WRN: variants seen among roughly 807,000 people sequenced by gnomAD.
The protein encoded by WRN is bifunctional 3'-5' exonuclease/ATP-dependent helicase WRN.
Under a neutral mutation model 180.7 loss-of-function variants are expected in WRN, and 149 were observed. That is an observed-to-expected ratio of 0.82 (90% CI 0.72 to 0.94). The LOEUF is 0.94. Ranked by LOEUF, WRN falls within the 40% of genes least tolerant of loss-of-function variation. WRN has a pLI of 0.00. For missense variants in WRN, 1,661 were observed against 1,700.1 expected, an observed-to-expected ratio of 0.98 and a Z score of 0.40; for synonymous variants, 548 against 568.9, an observed-to-expected ratio of 0.96 and a Z score of 0.52.
chr8:31,121,751 G>A (rs1801733086), intron 21 of WRN, among the ~76,000 whole-genome samples: 1 of 151,908 alleles, frequency 6.6e-6, no homozygotes, highest in Admixed American at 6.6e-5. Flanking sequence ...AATGTTTGAT[G>A]CAAATTTTAA....
intron 1 of WRN, among the ~76,000 whole-genome samples, chr8:31,051,979 T>G (rs1449977382): frequency 6.6e-6 from 1 of 152,234 alleles, no homozygotes; most frequent in Non-Finnish European, 1.5e-5. Flanking sequence ...CAGGTTTCAG[T>G]GTCTATAGGT....
intron 20 of WRN, among the ~76,000 whole-genome samples, chr8:31,118,118 CTT>C (rs1801586792): frequency 6.6e-6 from 1 of 152,086 alleles, no homozygotes; most frequent in Non-Finnish European, 1.5e-5. Flanking sequence ...TGACAGGAGA[CTT>C]TGTTGGATGC....
At chr8:31,064,518 A>G in intron 4 of WRN, 84 bp downstream of exon 4, 1 of 1,564,084 alleles carries the variant, frequency 6.4e-7, no homozygotes. Flanking sequence ...TTCTTTTATT[A>G]GCTGGCCGTT....
At chr8:31,163,374 C>CA (rs1803713709) in intron 33 of WRN, among the ~76,000 whole-genome samples, 1 of 152,206 alleles carries the variant, frequency 6.6e-6, no homozygotes, top group African/African-American at 2.4e-5. Flanking sequence ...GAAATCATTA[C>CA]ACTTTCCCTT....
intron 28 of WRN, among the ~76,000 whole-genome samples, chr8:31,144,728 T>C (rs1802793269): frequency 1.3e-5 from 2 of 152,168 alleles, no homozygotes; most frequent in Non-Finnish European, 1.5e-5. Flanking sequence ...GGAAGCCATG[T>C]CGAAAGCTGA....
At chr8:31,166,826 G>C (rs1333716292) in intron 33 of WRN, among the ~76,000 whole-genome samples, 196 bp from the exon 34 acceptor site, 1 of 152,022 alleles carries the variant, frequency 6.6e-6, no homozygotes, top group Admixed American at 6.6e-5. Context: ...TTGGAGGCAG[G>C]GGCTTCAGGT....
Position 31,090,840 on chromosome 8 carries a change from G to A in WRN, c.1727G>A (p.Gly576Glu), listed in dbSNP as rs2130173220. The A allele has an allele frequency of 6.2e-7, 1 of 1,607,036 alleles. No homozygotes were observed. The highest frequency in any genetic ancestry group is 8.5e-7 in the Non-Finnish European group (1 of 1,176,258). Residue 576 changes from glycine to glutamate, a missense_variant, in exon 15 of 35, where the codon GGA becomes GAA. By Grantham distance (98) the Gly-to-Glu change is moderately conservative (BLOSUM62 -2). This residue lies in a region of WRN where 1,141 missense variants were observed against 1,149.4 expected (regional missense o/e 0.99). Coordinates refer to ENST00000298139, the MANE Select transcript of WRN (RefSeq NM_000553.6). ...ATATTTTTTTCATTTCAAGGATATGGAAAGAGTTTGTGCTTCCAGTATCCA... is the reference window on the plus strand; with the variant it reads ...ATATTTTTTTCATTTCAAGGATATGAAAAGAGTTTGTGCTTCCAGTATCCA... ...DNVAVMATGYGKSLCFQYPPV... is the reference protein window; with the variant it reads ...DNVAVMATGYEKSLCFQYPPV...
At chr8:31,064,169 A>T (rs1196305646) in intron 3 of WRN, 120 bp from the exon 4 acceptor site, 3 of 1,071,036 alleles carry the variant, frequency 2.8e-6, no homozygotes, top group Non-Finnish European at 4.1e-6. Flanking sequence ...TGTCAGTTGT[A>T]TGTGCTCCAG....
At chr8:31,131,160 C>CTTTTT (rs71206302) in intron 23 of WRN, among the ~76,000 whole-genome samples, 2 of 106,840 alleles carry the variant, frequency 1.9e-5, no homozygotes, top group Non-Finnish European at 3.6e-5. Context: ...TTGCAACTTT[C>CTTTTT]TTTTTTTTTG....
At chr8:31,044,234 G>C (rs1265078820) in intron 1 of WRN, among the ~76,000 whole-genome samples, 1 of 151,310 alleles carries the variant, frequency 6.6e-6, no homozygotes, top group African/African-American at 2.4e-5. Flanking sequence ...GTAGAGACGG[G>C]GTTTCACCAT....
intron 34 of WRN, among the ~76,000 whole-genome samples, chr8:31,172,454 T>G (rs11574407): frequency 0.013 from 1,954 of 152,252 alleles, 45 homozygotes; most frequent in African/African-American, 0.044. Context: ...CTTAGATGAG[T>G]CTATGAGACA....
chr8:31,082,354 A>C (rs917261773), intron 9 of WRN, among the ~76,000 whole-genome samples: 1 of 152,170 alleles, frequency 6.6e-6, no homozygotes, highest in Admixed American at 6.5e-5. Flanking sequence ...TAATTTTAGC[A>C]TTTGAGCAAT....
intron 24 of WRN, among the ~76,000 whole-genome samples, chr8:31,139,698 G>T (rs777060199): frequency 2.0e-5 from 3 of 152,164 alleles, no homozygotes; most frequent in African/African-American, 7.2e-5. Flanking sequence ...TGTATGCTGG[G>T]TTCTTTGCTA....
intron 33 of WRN, among the ~76,000 whole-genome samples, chr8:31,165,477 TTTA>T (rs768197015): frequency 6.6e-6 from 1 of 152,070 alleles, no homozygotes; most frequent in Non-Finnish European, 1.5e-5. Flanking sequence ...ATGGATGCAA[TTTA>T]TTTTGATAAT....
At chr8:31,135,649 T>C (rs116148394) in intron 24 of WRN, among the ~76,000 whole-genome samples, 2,224 of 152,254 alleles carry the variant, frequency 0.015, 45 homozygotes, top group African/African-American at 0.048. Flanking sequence ...TTTTGTGGAA[T>C]ATATAGTAGA....
chr8:31,111,668 T>C lies in WRN; in HGVS notation c.2142T>C (p.Ile714=), dbSNP rs756129972. The C allele has an allele frequency of 6.2e-7, 1 of 1,614,098 alleles. No homozygotes were observed. The highest frequency in any genetic ancestry group is 8.5e-7 in the Non-Finnish European group (1 of 1,179,976). ...CAAGTTCTTCAATCCGGGAAGACAT[T>C]GTACGTTGCTTAAATCTGAGAAATC... is the stretch of plus-strand genomic sequence containing the variant. ...ATASSSIRED[I]VRCLNLRNPQ... Residue 714 remains isoleucine, a synonymous_variant, in exon 19 of 35, where the codon ATT becomes ATC. Coordinates refer to ENST00000298139, the MANE Select transcript of WRN (RefSeq NM_000553.6).
intron 8 of WRN, 49 bp downstream of exon 8, chr8:31,076,336 T>G (rs1813095533): frequency 6.7e-7 from 1 of 1,484,606 alleles, no homozygotes; most frequent in African/African-American, 1.4e-5. Context: ...TCTGTTTATT[T>G]TTTTATCACA....
At chr8:31,070,369 AGG>A (rs990843792) in intron 7 of WRN, among the ~76,000 whole-genome samples, 1 of 151,926 alleles carries the variant, frequency 6.6e-6, no homozygotes, top group African/African-American at 2.4e-5. Flanking sequence ...TTCTTGTTAA[AGG>A]ATAAAAAGAT....
intron 17 of WRN, among the ~76,000 whole-genome samples, chr8:31,100,273 A>G (rs1310001260): frequency 1.3e-5 from 2 of 152,176 alleles, no homozygotes; most frequent in African/African-American, 4.8e-5. Context: ...AGGAAGAAAG[A>G]ACAAATAACA....
Sources: gnomAD v4.1 joint callset for allele counts (sites outside exome capture counted in the v4.1 genomes callset) on GRCh38, gnomAD v4.1.1 for gene constraint, gnomAD v4.1.1 regional missense constraint, MANE v1.5 for transcripts, NCBI Gene and HGNC (gene_info 2026-07-23, HGNC 2026-07-21) for gene names.